MAP4K1: variants seen among roughly 807,000 people sequenced by gnomAD.
MAP4K1 encodes the protein MAPK/ERK kinase kinase kinase 1.
MAP4K1 carries 35 observed loss-of-function variants against 122.8 expected under a neutral mutation model. That is an observed-to-expected ratio of 0.29 (90% CI 0.22 to 0.38). The LOEUF (loss-of-function observed/expected upper bound fraction) is 0.38. Ranked by LOEUF, MAP4K1 falls within the 10% of genes least tolerant of loss-of-function variation. The pLI, the probability that MAP4K1 is intolerant of heterozygous loss-of-function variation, is 1.00. For synonymous variants in MAP4K1, 412 were observed against 421.3 expected, an observed-to-expected ratio of 0.98 and a Z score of 0.27; for missense variants, 791 against 1,072.6, an observed-to-expected ratio of 0.74 and a Z score of 3.67.
intron 30 of MAP4K1, among the ~76,000 whole-genome samples, chr19:38,588,111 G>A (rs537498094): frequency 2.0e-5 from 3 of 152,148 alleles, no homozygotes; most frequent in Admixed American, 6.6e-5. Flanking sequence ...GGGTTAGGAG[G>A]GAACTTGGTG....
rs370180963 is a variant in MAP4K1 at position 38,607,959 on chromosome 19, C to G, written c.1109+31G>C. 1.7e-4 allele frequency: 271 copies of G among 1,611,446 alleles called. 1 individual carries two copies. Among genetic ancestry groups the G allele is most frequent in the Admixed American group, 1.3e-4 (8 of 59,460 alleles). On this transcript the variant is annotated intron_variant, in intron 15 of 30. Coordinates refer to ENST00000396857, the MANE Select transcript of MAP4K1 (RefSeq NM_001042600.3). ...CTTGGGGGCCTTGTCCACATTCCAG[C>G]CCCCTCCCCATCCTCCCTGGGGTCC...
rs1353968092 is a variant in MAP4K1 at position 38,596,318 on chromosome 19, T to G, written c.2110A>C (p.Ser704Arg). 6.3e-7 allele frequency: 1 copy of G among 1,577,754 alleles called. No homozygotes were observed. The highest frequency in any genetic ancestry group is 1.3e-5 in the African/African-American group (1 of 74,394). The change falls in exon 26 of 31, where the codon AGC (serine) becomes CGC (arginine). Residue 704 changes from serine (S) to arginine (R), a missense_variant. This residue lies in a region of MAP4K1 where 267 missense variants were observed against 323.0 expected (regional missense o/e 0.83). Coordinates refer to ENST00000396857, the MANE Select transcript of MAP4K1 (RefSeq NM_001042600.3). The part of the protein sequence containing the change: ...GALSCWLGEM[S>R]TEHRGPVQVT... Reference sequence around the variant, plus strand: ...AAGACTCCGCCCCACTCACCGGTGCTCATCTCGCCCAGCCAGCAAGAGAGC... The same window carrying G: ...AAGACTCCGCCCCACTCACCGGTGCGCATCTCGCCCAGCCAGCAAGAGAGC...
chr19:38,602,799 T>C (rs961832092), intron 19 of MAP4K1, among the ~76,000 whole-genome samples: 17 of 110,982 alleles, frequency 1.5e-4, no homozygotes, highest in African/African-American at 5.1e-4. Context: ...TATACACACA[T>C]ACATATATAC....
chr19:38,591,835 G>A (rs1974736367), intron 30 of MAP4K1, among the ~76,000 whole-genome samples: 4 of 152,098 alleles, frequency 2.6e-5, no homozygotes, highest in Non-Finnish European at 5.9e-5. Context: ...GCCGGGCACA[G>A]TGGCACATGC....
In MAP4K1 at chr19:38,605,643, T is replaced by G. The variant is rs1180206762; in HGVS notation, c.1288A>C (p.Ser430Arg). The G allele has an allele frequency of 6.2e-7, 1 of 1,600,370 alleles. No homozygotes were observed. Among genetic ancestry groups the G allele is most frequent in the East Asian group, 2.2e-5 (1 of 44,596 alleles). The change falls in exon 18 of 31, where the codon AGT becomes CGT. Residue 430 changes from serine to arginine, a missense_variant. Physicochemically the swap from Ser to Arg is moderately radical, Grantham distance 110. Transcript: ENST00000396857. ...CGGGGGCTGTTTGGTGGGGGCCCACTGGCACACCGGACCAGCACCCCCGGG... is the reference window on the plus strand; with the variant it reads ...CGGGGGCTGTTTGGTGGGGGCCCACGGGCACACCGGACCAGCACCCCCGGG... ...LSPGVLVRCA[S>R]GPPPNSPRPG...
intron 26 of MAP4K1, 29 bp downstream of exon 26, chr19:38,596,283 C>T (rs774486236): frequency 6.6e-7 from 1 of 1,521,986 alleles, no homozygotes; most frequent in Non-Finnish European, 8.8e-7. Flanking sequence ...TGATAAGCCC[C>T]GCCCTCAGCA....
intron 20 of MAP4K1, among the ~76,000 whole-genome samples, 183 bp from the exon 21 acceptor site, chr19:38,600,336 G>C (rs182029627): frequency 6.6e-6 from 1 of 152,246 alleles, no homozygotes; most frequent in Admixed American, 6.5e-5. Context: ...CCGCAAGCCA[G>C]TCTCACTCTC....
chr19:38,617,663 T>G lies in MAP4K1; in HGVS notation c.100-38A>C. 1 of 1,612,444 alleles carries G rather than the reference T, an allele frequency of 6.2e-7. No individual in the cohort carries two copies. Among genetic ancestry groups the G allele is most frequent in the Non-Finnish European group, 8.5e-7 (1 of 1,178,538 alleles). ...AAGTTGGCAGTCAGGCAGGCTCCAT[T>G]TGCCAGAGTCCCTCCACAGCATCCC... On this transcript the variant is annotated intron_variant, in intron 1 of 30. Transcript: ENST00000396857. This position sits in a 1 kb window ranked among gnomAD's most constrained non-coding sequence, Gnocchi z 4.1.
intron 19 of MAP4K1, among the ~76,000 whole-genome samples, chr19:38,602,834 GCATATACATATATACA>G (rs1488378654): frequency 5.2e-4 from 55 of 105,498 alleles, no homozygotes; most frequent in Admixed American, 1.1e-3. Context: ...ACATATATAC[GCATATACATATATACA>G]CATATACATA....
chr19:38,605,034 C>T (rs1345759173), intron 19 of MAP4K1, among the ~76,000 whole-genome samples: 1 of 150,198 alleles, frequency 6.7e-6, no homozygotes. Flanking sequence ...TTGTAGTGAG[C>T]TAAGATCGCG....
At chr19:38,588,409 G>A (rs1177964610) in intron 30 of MAP4K1, among the ~76,000 whole-genome samples, 1 of 152,120 alleles carries the variant, frequency 6.6e-6, no homozygotes, top group Non-Finnish European at 1.5e-5. Flanking sequence ...ATAATGACAA[G>A]GCCGGGCATG....
At chr19:38,610,911 G>C in intron 11 of MAP4K1, 140 bp downstream of exon 11, 1 of 728,946 alleles carries the variant, frequency 1.4e-6, no homozygotes, top group Non-Finnish European at 2.4e-6. Context: ...GTGGTCGGGG[G>C]TGGTCCTGGG....
At chr19:38,596,226 G>C (rs1974873049) in intron 26 of MAP4K1, 86 bp downstream of exon 26, 1 of 1,458,396 alleles carries the variant, frequency 6.9e-7, no homozygotes, top group Non-Finnish European at 9.1e-7. Context: ...GTCCCGTAGT[G>C]CCTCAGGCTA....
intron 29 of MAP4K1, among the ~76,000 whole-genome samples, chr19:38,594,069 ACTAT>A (rs1432051920): frequency 1.3e-5 from 2 of 152,298 alleles, no homozygotes; most frequent in East Asian, 3.9e-4. Context: ...TCTTGTCTTA[ACTAT>A]CCATATATCT....
intron 11 of MAP4K1, among the ~76,000 whole-genome samples, chr19:38,610,372 A>ATTTTTTTTTTTTTTTTT (rs35103992): frequency 1.3e-5 from 1 of 76,178 alleles, no homozygotes; most frequent in African/African-American, 6.0e-5. Context: ...CGCCCAGCTA[A>ATTTTTTTTTTTTTTTTT]TTTTTTTTTT....
chr19:38,603,038 ATGTACATATATACG>A (rs1975169830), intron 19 of MAP4K1, among the ~76,000 whole-genome samples: 2 of 145,744 alleles, frequency 1.4e-5, no homozygotes, highest in Admixed American at 7.1e-5. Context: ...ATATATACAC[ATGTACATATATACG>A]CATATACATA....
intron 4 of MAP4K1, among the ~76,000 whole-genome samples, chr19:38,615,382 CACA>C (rs145574893): frequency 0.071 from 10,676 of 150,780 alleles, 434 homozygotes; most frequent in South Asian, 0.13. Flanking sequence ...TAAGGAAAGG[CACA>C]GAGACAGAGA....
chr19:38,612,779 T>A (rs1458391263), intron 8 of MAP4K1, 37 bp from the exon 9 acceptor site: 3 of 1,606,354 alleles, frequency 1.9e-6, no homozygotes, highest in East Asian at 4.5e-5. Flanking sequence ...AGAGGTGGCA[T>A]GGGGACAGGA....
rs181436231 is a variant in MAP4K1, at chr19:38,595,243, C to G, written c.2340+242G>C. Reference sequence around the variant, plus strand: ...GGTGGAGGTTGCAGTGAGCCGGGATCGCACCACTGCACTCCAGCCTGGGCA... The same window carrying G: ...GGTGGAGGTTGCAGTGAGCCGGGATGGCACCACTGCACTCCAGCCTGGGCA... On this transcript the variant is annotated intron_variant, in intron 29 of 30. Coordinates refer to ENST00000396857, the MANE Select transcript of MAP4K1 (RefSeq NM_001042600.3). Among the ~76,000 whole-genome samples, 273 of 152,036 alleles carry G rather than the reference C, an allele frequency of 1.8e-3. 1 individual carries two copies. Among genetic ancestry groups the G allele is most frequent in the African/African-American group, 5.3e-3 (220 of 41,466 alleles).
Sources: gnomAD v4.1 joint callset for allele counts (sites outside exome capture counted in the v4.1 genomes callset) on GRCh38, gnomAD v4.1.1 for gene constraint, gnomAD v4.1.1 regional missense constraint, Gnocchi (gnomAD v3.1) non-coding constraint, MANE v1.5 for transcripts, NCBI Gene and HGNC (gene_info 2026-07-23, HGNC 2026-07-21) for gene names.